The following LCLAT1 variants were observed in gnomAD, a reference collection of about 807,000 sequenced individuals.
The protein encoded by LCLAT1 is lysocardiolipin acyltransferase 1.
A neutral mutation model predicts 30.7 loss-of-function variants in LCLAT1; 11 were observed. The observed-to-expected ratio is 0.36, with a 90% CI of 0.23 to 0.59. LCLAT1 has a LOEUF of 0.59. LCLAT1 is among the 20% of genes least tolerant of loss of function. The pLI is 0.77. For synonymous variants in LCLAT1, 155 were observed against 151.3 expected (o/e 1.02, Z -0.18); for missense variants, 402 against 458.6 (o/e 0.88, Z 1.13).
chr2:30,631,928 T>C (rs1229577321), intron 5 of LCLAT1, among the ~76,000 whole-genome samples: 2 of 152,234 alleles, frequency 1.3e-5, no homozygotes, highest in Non-Finnish European at 2.9e-5. Flanking sequence ...TTCAGTGATC[T>C]ATTAATGTGT....
intron 1 of LCLAT1, among the ~76,000 whole-genome samples, chr2:30,519,565 G>C (rs1366197314): frequency 6.6e-6 from 1 of 152,206 alleles, no homozygotes; most frequent in Non-Finnish European, 1.5e-5. Context: ...GCTGGGGAAG[G>C]TGACCTCACC....
chr2:30,559,041 A>G (rs2148436398), intron 3 of LCLAT1, among the ~76,000 whole-genome samples: 1 of 152,350 alleles, frequency 6.6e-6, no homozygotes, highest in Non-Finnish European at 1.5e-5. Context: ...TGCAAAGAAG[A>G]AAATACTGCC....
intron 3 of LCLAT1, among the ~76,000 whole-genome samples, chr2:30,555,691 A>T (rs549327931): frequency 6.6e-6 from 1 of 152,134 alleles, no homozygotes; most frequent in Non-Finnish European, 1.5e-5. Flanking sequence ...TATTAACCCA[A>T]TGTTGATAGA....
intron 1 of LCLAT1, among the ~76,000 whole-genome samples, chr2:30,455,654 C>T (rs911995590): frequency 1.2e-4 from 18 of 152,060 alleles, no homozygotes; most frequent in South Asian, 2.1e-4. Context: ...AATCCCAGGA[C>T]TCTGGGAGCC....
chr2:30,520,407 TTAAC>T (rs1685420434), intron 1 of LCLAT1, among the ~76,000 whole-genome samples: 1 of 152,232 alleles, frequency 6.6e-6, no homozygotes, highest in Non-Finnish European at 1.5e-5. Flanking sequence ...AGGTGTATAT[TTAAC>T]TACAGATGTA....
intron 5 of LCLAT1, among the ~76,000 whole-genome samples, chr2:30,638,431 G>A (rs547874772): frequency 8.5e-5 from 13 of 152,246 alleles, no homozygotes; most frequent in African/African-American, 2.6e-4. Context: ...CCTTCTCATC[G>A]TTTCCCACCC....
intron 3 of LCLAT1, among the ~76,000 whole-genome samples, chr2:30,548,817 CTGAG>C (rs1230399326): frequency 1.3e-5 from 2 of 151,980 alleles, no homozygotes. Context: ...CTTGTTATGC[CTGAG>C]TAAGACTGGA....
At chr2:30,596,497 T>G (rs1157902934) in intron 5 of LCLAT1, among the ~76,000 whole-genome samples, 2 of 152,086 alleles carry the variant, frequency 1.3e-5, no homozygotes, top group East Asian at 3.8e-4. Context: ...GTTGTTTTTT[T>G]TTTCTTGTAA....
intron 1 of LCLAT1, among the ~76,000 whole-genome samples, chr2:30,486,462 C>T (rs976180434): frequency 6.6e-6 from 1 of 152,188 alleles, no homozygotes; most frequent in Non-Finnish European, 1.5e-5. Context: ...CACCCTTACT[C>T]TTCTCTTGCT....
intron 1 of LCLAT1, among the ~76,000 whole-genome samples, chr2:30,511,691 C>A (rs1684947621): frequency 6.6e-6 from 1 of 152,132 alleles, no homozygotes; most frequent in Non-Finnish European, 1.5e-5. Flanking sequence ...TCACTTAATC[C>A]CACTGTTCTT....
intron 3 of LCLAT1, among the ~76,000 whole-genome samples, chr2:30,542,983 G>T (rs1664219588): frequency 1.4e-5 from 2 of 142,966 alleles, no homozygotes; most frequent in Admixed American, 6.9e-5. Flanking sequence ...TTATTGCGGT[G>T]GCTATTCTTT....
At chr2:30,627,176 G>A (rs920465473) in intron 5 of LCLAT1, among the ~76,000 whole-genome samples, 2 of 152,068 alleles carry the variant, frequency 1.3e-5, no homozygotes, top group African/African-American at 4.8e-5. Context: ...TGCAAGATGG[G>A]GTGTCTGGTG....
At chr2:30,604,660 C>CAAAAAAAA (rs71405526) in intron 5 of LCLAT1, among the ~76,000 whole-genome samples, 4 of 95,874 alleles carry the variant, frequency 4.2e-5, no homozygotes, top group Admixed American at 1.2e-4. Context: ...GACTCCGTCT[C>CAAAAAAAA]AAAAAAAAAA....
chr2:30,568,402 A>C (rs1248670258), intron 5 of LCLAT1, among the ~76,000 whole-genome samples: 1 of 151,274 alleles, frequency 6.6e-6, no homozygotes, highest in East Asian at 1.9e-4. Context: ...TTTTTGGAAC[A>C]GACATAACTC....
intron 1 of LCLAT1, among the ~76,000 whole-genome samples, chr2:30,483,417 A>G (rs573186403): frequency 6.6e-6 from 1 of 152,370 alleles, no homozygotes. Flanking sequence ...TAGAAAATAC[A>G]ACCTGCCACG....
At chr2:30,496,724 AT>A (rs1489173157) in intron 1 of LCLAT1, among the ~76,000 whole-genome samples, 2 of 152,170 alleles carry the variant, frequency 1.3e-5, no homozygotes, top group Non-Finnish European at 2.9e-5. Flanking sequence ...TTATGGTCCT[AT>A]TTTTTATTAT....
intron 4 of LCLAT1, among the ~76,000 whole-genome samples, chr2:30,566,083 G>A (rs931566431): frequency 1.3e-5 from 2 of 152,106 alleles, no homozygotes; most frequent in Non-Finnish European, 2.9e-5. Context: ...TCAGAAAGTG[G>A]GATGCTAGTG....
intron 5 of LCLAT1, among the ~76,000 whole-genome samples, chr2:30,583,231 AACC>A (rs1449364085): frequency 1.3e-5 from 2 of 152,236 alleles, no homozygotes; most frequent in African/African-American, 4.8e-5. Context: ...TGAGGAGCTA[AACC>A]AGAAGTTTCT....
intron 5 of LCLAT1, among the ~76,000 whole-genome samples, chr2:30,589,892 C>A (rs1666615536): frequency 6.6e-6 from 1 of 152,120 alleles, no homozygotes; most frequent in African/African-American, 2.4e-5. Context: ...ATTCTTTTTC[C>A]ATTCATCCAT....
Sources: gnomAD v4.1 joint callset for allele counts (sites outside exome capture counted in the v4.1 genomes callset) on GRCh38, gnomAD v4.1.1 for gene constraint, MANE v1.5 for transcripts, NCBI Gene and HGNC (gene_info 2026-07-23, HGNC 2026-07-21) for gene names.